TMEM139: variants seen among roughly 807,000 people sequenced by gnomAD.
TMEM139 encodes transmembrane protein 139.
Under a neutral mutation model 15.9 loss-of-function variants are expected in TMEM139, and 9 were observed. That is an observed-to-expected ratio of 0.57 (90% CI 0.34 to 0.99). The LOEUF (loss-of-function observed/expected upper bound fraction) is 0.99, where lower values mean the gene tolerates loss of function less well. Among genes scored for constraint, TMEM139 ranks in the 50% least tolerant of loss-of-function variants. The probability of loss-of-function intolerance (pLI) is 0.02; values close to 1 mark genes in which losing one functional copy is unlikely to be tolerated. For missense variants in TMEM139, 270 were observed against 267.7 expected (o/e 1.01, Z -0.06); for synonymous variants, 95 against 110.5 (o/e 0.86, Z 0.88).
Position 143,286,585 on chromosome 7 carries a change from G to C in TMEM139, c.407G>C (p.Arg136Thr), listed in dbSNP as rs201994394. ...EQPSHPEGSR[R>T]AKLEQRRMAS... The stretch of plus-strand genomic sequence containing the variant: ...CCTAGCCATCCAGAGGGGTCCAGGA[G>C]AGCCAAACTGGAACAGAGGCGAATG... Residue 136 changes from arginine (R) to threonine (T), a missense_variant, in exon 3 of 3, where the codon AGA becomes ACA. Coordinates refer to ENST00000359333, the MANE Select transcript of TMEM139 (RefSeq NM_001282876.2). 3.7e-6 allele frequency: 6 copies of C among 1,613,970 alleles called. No homozygotes were observed. The highest frequency in any genetic ancestry group is 5.1e-6 in the Non-Finnish European group (6 of 1,179,974).
Position 143,286,114 on chromosome 7 carries a change from T to G in TMEM139, c.157T>G (p.Tyr53Asp). 6.2e-7 allele frequency: 1 copy of G among 1,614,144 alleles called. No homozygotes were observed. Among genetic ancestry groups the G allele is most frequent in the East Asian group, 2.2e-5 (1 of 44,872 alleles). ...LTLGGFFLFA[Y>D]LLVRFLEWGL... ...ATTGGGTGGCTTCTTCTTGTTTGCCTATCTCCTGGTCCGGTTTCTGGAATG... is the reference window on the plus strand; with the variant it reads ...ATTGGGTGGCTTCTTCTTGTTTGCCGATCTCCTGGTCCGGTTTCTGGAATG... The change falls in exon 2 of 3, where the codon TAT becomes GAT. Residue 53 changes from tyrosine (Y) to aspartate (D), a missense_variant. Transcript: ENST00000359333.
chr7:143,285,800 G>C, intron 1 of TMEM139, 141 bp from the exon 2 acceptor site: 1 of 1,167,016 alleles, frequency 8.6e-7, no homozygotes, highest in Non-Finnish European at 1.2e-6. Context: ...TTCGGAACTG[G>C]AGGGGACTCT....
At position 143,285,180 on chromosome 7, in the gene TMEM139, C is replaced by G. The variant is rs1801221969; in HGVS notation, c.-283C>G. 1.3e-5 allele frequency: 2 copies of G among 152,490 alleles called. No individual in the cohort carries two copies. The highest frequency in any genetic ancestry group is 1.3e-4 in the Admixed American group (2 of 15,278). The allele number at this position is 152,490 out of a possible 1,614,324, so 9.4% of individuals were successfully genotyped here. On this transcript the variant is annotated 5_prime_UTR_variant, in exon 1 of 3. Coordinates refer to ENST00000359333, the MANE Select transcript of TMEM139 (RefSeq NM_001282876.2). ...GTTCCCCTGCCCACCGCCTCCCAGCCACTGGGCTACCTCCTGGCAGGAAAT... is the reference window on the plus strand; with the variant it reads ...GTTCCCCTGCCCACCGCCTCCCAGCGACTGGGCTACCTCCTGGCAGGAAAT...
intron 1 of TMEM139, 79 bp from the exon 2 acceptor site, chr7:143,285,859 TATC>T: frequency 6.5e-7 from 1 of 1,545,268 alleles, no homozygotes; most frequent in Non-Finnish European, 8.8e-7. Context: ...AACAAAGAAA[TATC>T]ATATGGTTAC....
chr7:143,286,471 G>A lies in TMEM139; in HGVS notation c.293G>A (p.Gly98Glu), dbSNP rs375030323. The change falls in exon 3 of 3, where the codon GGA (glycine) becomes GAA (glutamate). Residue 98 changes from glycine to glutamate, a missense_variant. Coordinates refer to ENST00000359333, the MANE Select transcript of TMEM139 (RefSeq NM_001282876.2). ...CCAGTCTATGAAGAGGCCGTGGTGG[G>A]ACTAGAATCCCAGTGCCGCCCCCAA... ...EVPVYEEAVV[G>E]LESQCRPQEL... is the part of the protein sequence containing the mutation. 74 of 1,559,062 alleles carry A rather than the reference G, an allele frequency of 4.7e-5. No individual in the cohort carries two copies. The highest frequency in any genetic ancestry group is 5.8e-5 in the Non-Finnish European group (67 of 1,155,018).
Position 143,286,107 on chromosome 7 carries a change from G to C in TMEM139, c.150G>C (p.Leu50Phe). The change falls in exon 2 of 3, where the codon TTG becomes TTC. Residue 50 changes from leucine (L) to phenylalanine (F), a missense_variant. Coordinates refer to ENST00000359333, the MANE Select transcript of TMEM139 (RefSeq NM_001282876.2). ...TTCTCACATTGGGTGGCTTCTTCTT[G>C]TTTGCCTATCTCCTGGTCCGGTTTC... Reference protein sequence around the residue: ...YFFLTLGGFFLFAYLLVRFLE... With the variant: ...YFFLTLGGFFFFAYLLVRFLE... 1 of 1,614,082 alleles carries C rather than the reference G, an allele frequency of 6.2e-7. No homozygotes were observed. Among genetic ancestry groups the C allele is most frequent in the Non-Finnish European group, 8.5e-7 (1 of 1,180,026 alleles).
chr7:143,285,828 G>A (rs1801260918), intron 1 of TMEM139, 113 bp from the exon 2 acceptor site: 3 of 1,410,382 alleles, frequency 2.1e-6, no homozygotes, highest in Non-Finnish European at 2.9e-6. Flanking sequence ...ATTTATTTGA[G>A]ATTGAAGAAC....
intron 1 of TMEM139, 161 bp from the exon 2 acceptor site, chr7:143,285,780 T>C (rs543888880): frequency 9.7e-5 from 88 of 911,500 alleles, no homozygotes; most frequent in Non-Finnish European, 1.3e-4. Context: ...CTCCAAGACA[T>C]AGAGAGAATT....
Position 143,286,062 on chromosome 7 carries a change from C to T in TMEM139, c.105C>T (p.Ile35=), listed in dbSNP as rs1238529182. Residue 35 remains isoleucine (I), a synonymous_variant, in exon 2 of 3, where the codon ATC becomes ATT. Transcript: ENST00000359333. ...CTTTGCTGGGCATAAAGACGGACAT[C>T]ACCCCCGTTGCTTATTTCTTTCTCA... is the stretch of plus-strand genomic sequence containing the variant. ...GLALLGIKTD[I]TPVAYFFLTL... 6.2e-7 allele frequency: 1 copy of T among 1,614,172 alleles called. No individual in the cohort carries two copies. Among genetic ancestry groups the T allele is most frequent in the South Asian group, 1.1e-5 (1 of 91,082 alleles).
At chr7:143,286,363 A>G in intron 2 of TMEM139, 61 bp from the exon 3 acceptor site, 1 of 1,522,410 alleles carries the variant, frequency 6.6e-7, no homozygotes, top group South Asian at 1.3e-5. Context: ...AGCAGACAAA[A>G]AAAAGGGAAA....
chr7:143,285,472 C>G (rs1801238806), intron 1 of TMEM139, 27 bp downstream of exon 1: 1 of 180,900 alleles, frequency 5.5e-6, no homozygotes, highest in Non-Finnish European at 1.2e-5. Flanking sequence ...CCCCTCTTCT[C>G]TCTAACGGGG....
At position 143,286,879 on chromosome 7, in the gene TMEM139, G is replaced by T; in HGVS notation, c.*50G>T. The T allele has an allele frequency of 6.6e-7, 1 of 1,512,864 alleles. No homozygotes were observed. The allele number at this position is 1,512,864 out of a possible 1,614,324, so 93.7% of individuals were successfully genotyped here. A position where few individuals can be genotyped will look rare whatever the true frequency, so the allele number is the denominator to read the frequency against. ...TCTCCACACCAGACCTCGTTCATTTGACTAACATTTTCCAGCGCCTACTAT... is the reference window on the plus strand; with the variant it reads ...TCTCCACACCAGACCTCGTTCATTTTACTAACATTTTCCAGCGCCTACTAT... On this transcript the variant is annotated 3_prime_UTR_variant, in exon 3 of 3. Transcript: ENST00000359333.
At chr7:143,286,333 A>G in intron 2 of TMEM139, 91 bp from the exon 3 acceptor site, 1 of 1,535,464 alleles carries the variant, frequency 6.5e-7, no homozygotes, top group Non-Finnish European at 8.7e-7. Context: ...TCAGAGGCCA[A>G]CAGAGGATCT....
rs369809526 is a variant in TMEM139 at position 143,286,683 on chromosome 7, C to T, written c.505C>T (p.Arg169Trp). 1.6e-5 allele frequency: 26 copies of T among 1,614,084 alleles called. No homozygotes were observed. The African/African-American group carries it at 2.4e-4, about 15-fold the overall frequency. The change falls in exon 3 of 3, where the codon CGG becomes TGG. Residue 169 changes from arginine (R) to tryptophan (W), a missense_variant. Physicochemically the swap from Arg to Trp is moderately radical, Grantham distance 101. Coordinates refer to ENST00000359333, the MANE Select transcript of TMEM139 (RefSeq NM_001282876.2). ...AATCAACCTTCGGCTTCGGGGACCA[C>T]GGGCTGTGTCCACTGCTCCTGATCT... is the stretch of plus-strand genomic sequence containing the variant. ...APINLRLRGP[R>W]AVSTAPDLQS...
At position 143,286,481 on chromosome 7, in the gene TMEM139, C is replaced by T. The variant is rs777820805; in HGVS notation, c.303C>T (p.Ser101=). ...VYEEAVVGLE[S]QCRPQELDQP... ...AAGAGGCCGTGGTGGGACTAGAATC[C>T]CAGTGCCGCCCCCAAGAGTTGGACC... is the stretch of plus-strand genomic sequence containing the variant. The change falls in exon 3 of 3, where the codon TCC becomes TCT. Residue 101 remains serine (S), a synonymous_variant. Coordinates refer to ENST00000359333, the MANE Select transcript of TMEM139 (RefSeq NM_001282876.2). 1.3e-6 allele frequency: 2 copies of T among 1,565,202 alleles called. No homozygotes were observed. Among genetic ancestry groups the T allele is most frequent in the African/African-American group, 2.7e-5 (2 of 73,304 alleles).
Position 143,285,415 on chromosome 7 carries a change from C to T in TMEM139, c.-48C>T, listed in dbSNP as rs984788788. ...CTCCACCTGGAGCATGGGCTAACAC[C>T]GGAGGAAAGGAAAAGACAGAGTCAG... On this transcript the variant is annotated 5_prime_UTR_variant, in exon 1 of 3. Coordinates refer to ENST00000359333, the MANE Select transcript of TMEM139 (RefSeq NM_001282876.2). 1.2e-5 allele frequency: 2 copies of T among 167,702 alleles called. No individual in the cohort carries two copies. Among genetic ancestry groups the T allele is most frequent in the Non-Finnish European group, 2.6e-5 (2 of 75,850 alleles). 10.4% of individuals were successfully genotyped at this position (167,702 alleles called of 1,614,324 possible). A position where few individuals can be genotyped will look rare whatever the true frequency, so the allele number is the denominator to read the frequency against.
In TMEM139 at chr7:143,286,029, G is replaced by T. The variant is rs1563054877; in HGVS notation, c.72G>T (p.Leu24=). ...LLLLCCASFL[L]GLALLGIKTD... is the part of the protein sequence containing the mutation. ...TCCTGTGCTGCGCCTCCTTCCTACT[G>T]GGGCTGGCTTTGCTGGGCATAAAGA... Residue 24 remains leucine, a synonymous_variant, in exon 2 of 3, where the codon CTG becomes CTT. Transcript: ENST00000359333. 1 of 1,614,028 alleles carries T rather than the reference G, an allele frequency of 6.2e-7. No individual in the cohort carries two copies. The highest frequency in any genetic ancestry group is 1.7e-5 in the Admixed American group (1 of 59,996).
Position 143,286,868 on chromosome 7 carries a change from C to T in TMEM139, c.*39C>T. 2 of 1,523,968 alleles carry T rather than the reference C, an allele frequency of 1.3e-6. No homozygotes were observed. Among genetic ancestry groups the T allele is most frequent in the South Asian group, 2.6e-5 (2 of 77,492 alleles). 94.4% of individuals were successfully genotyped at this position (1,523,968 alleles called of 1,614,324 possible). A position where few individuals can be genotyped will look rare whatever the true frequency, so the allele number is the denominator to read the frequency against. On this transcript the variant is annotated 3_prime_UTR_variant, in exon 3 of 3. Transcript: ENST00000359333. ...GATTTCTCTTCTCTCCACACCAGAC[C>T]TCGTTCATTTGACTAACATTTTCCA...
chr7:143,286,724 A>G lies in TMEM139; in HGVS notation c.546A>G (p.Ala182=), dbSNP rs566240291. The change falls in exon 3 of 3, where the codon GCA becomes GCG. Residue 182 remains alanine (A), a synonymous_variant. Transcript: ENST00000359333. ...CTCCTGATCTGCAGAGCTTGGCGGC[A>G]GTCCCCACATTAGAGCCTCTGACTC... ...STAPDLQSLA[A]VPTLEPLTPP... 5.0e-5 allele frequency: 80 copies of G among 1,614,192 alleles called. 2 individuals are homozygous for G. The South Asian group carries it at 8.5e-4, about 17-fold the overall frequency.
Sources: allele counts gnomAD v4.1 joint callset, GRCh38; gene constraint gnomAD v4.1.1; transcripts MANE v1.5; gene names NCBI Gene and HGNC (gene_info 2026-07-23, HGNC 2026-07-21).